Variants in CALN1 observed in about 807,000 individuals in gnomAD.
CALN1 encodes calneuron 1.
A neutral mutation model predicts 30.6 loss-of-function variants in CALN1; 17 were observed. The observed-to-expected ratio is 0.56, with a 90% CI of 0.38 to 0.83. CALN1 has a LOEUF of 0.83. Ranked by LOEUF, CALN1 falls within the 40% of genes least tolerant of loss-of-function variation. CALN1 has a pLI of 0.00. For synonymous variants in CALN1, 156 were observed against 131.4 expected, an observed-to-expected ratio of 1.19 and a Z score of -1.28; for missense variants, 291 against 354.9, an observed-to-expected ratio of 0.82 and a Z score of 1.45.
At chr7:71,897,971 AC>A (rs61134640) in intron 5 of CALN1, among the ~76,000 whole-genome samples, 3,048 of 105,862 alleles carry the variant, frequency 0.029, 274 homozygotes, top group African/African-American at 0.13. Flanking sequence ...AAAACAAAAA[AC>A]AAAAAAAAAA....
chr7:72,078,163 T>G (rs1011417586), intron 4 of CALN1, among the ~76,000 whole-genome samples: 1 of 152,152 alleles, frequency 6.6e-6, no homozygotes, highest in African/African-American at 2.4e-5. Context: ...TAGAAAAGCA[T>G]ATGTTTGGTA....
At chr7:72,084,423 C>T (rs550945604) in intron 4 of CALN1, among the ~76,000 whole-genome samples, 2 of 146,708 alleles carry the variant, frequency 1.4e-5, no homozygotes, top group East Asian at 4.1e-4. Flanking sequence ...GTGGGCTGAT[C>T]TTGGCTCACA....
intron 3 of CALN1, among the ~76,000 whole-genome samples, chr7:72,125,548 GAGTAA>G (rs1488188479): frequency 6.6e-6 from 1 of 152,156 alleles, no homozygotes; most frequent in Non-Finnish European, 1.5e-5. Context: ...AAAAATGGAA[GAGTAA>G]AGTAGACAGC....
At chr7:72,032,082 A>AC (rs918304553) in intron 4 of CALN1, among the ~76,000 whole-genome samples, 1 of 103,418 alleles carries the variant, frequency 9.7e-6, no homozygotes, top group African/African-American at 3.9e-5. Context: ...TTTTTGAGAC[A>AC]GAGTCTCACT....
intron 4 of CALN1, among the ~76,000 whole-genome samples, chr7:72,056,946 T>A (rs1386582847): frequency 2.0e-5 from 3 of 152,104 alleles, no homozygotes; most frequent in Non-Finnish European, 4.4e-5. Context: ...TTGTTGTTGT[T>A]TTGTTTGTTT....
At position 71,783,324 on chromosome 7, in the gene CALN1, CG is replaced by C. The variant is rs1792815879; in HGVS notation, c.*4450del. On this transcript the variant is annotated 3_prime_UTR_variant, in exon 7 of 7. Transcript: ENST00000395275. ...TCATCTCAGTTCATCTGTACCATCA[CG>C]GTGATATAGGAAAAGGGGCCCTTCC... 1.3e-5 allele frequency: 2 copies of C among 152,134 alleles called. No homozygotes were observed. Among genetic ancestry groups the C allele is most frequent in the African/African-American group, 4.8e-5 (2 of 41,428 alleles). The allele number at this position is 152,134 out of a possible 1,614,324, so 9.4% of individuals were successfully genotyped here.
chr7:72,018,317 G>T lies in CALN1; in HGVS notation c.501+5340C>A, dbSNP rs1261299540. On this transcript the variant is annotated intron_variant, in intron 5 of 6. Coordinates refer to ENST00000395275, the MANE Select transcript of CALN1 (RefSeq NM_031468.4). ...GCAATTAACCTGCAGCATTGAGCAGGAAGCCTACCCCCCAGTCCTGAGTCT... is the reference window on the plus strand; with the variant it reads ...GCAATTAACCTGCAGCATTGAGCAGTAAGCCTACCCCCCAGTCCTGAGTCT... 2.0e-5 allele frequency among the ~76,000 whole-genome samples: 3 copies of T among 152,138 alleles called. No individual in the cohort carries two copies. In the East Asian group the frequency reaches 5.8e-4, roughly 29 times the overall value.
chr7:72,473,675 G>C, the CALN1 span, among the ~76,000 whole-genome samples: 1 of 152,184 alleles, frequency 6.6e-6, no homozygotes, highest in African/African-American at 2.4e-5. Context: ...GCTCATGCCT[G>C]TAATCCCAGC....
intron 2 of CALN1, among the ~76,000 whole-genome samples, chr7:72,401,790 T>A (rs1806357865): frequency 6.6e-6 from 1 of 152,258 alleles, no homozygotes; most frequent in African/African-American, 2.4e-5. Flanking sequence ...TCCTCAGATC[T>A]AGAGGTAGGC....
intron 5 of CALN1, among the ~76,000 whole-genome samples, chr7:71,915,762 A>C (rs199961410): frequency 5.5e-5 from 8 of 146,604 alleles, no homozygotes; most frequent in East Asian, 2.0e-4. Context: ...CAAAAAAAAA[A>C]CCCAATCTGC....
chr7:72,042,627 T>G (rs1469374489), intron 4 of CALN1, among the ~76,000 whole-genome samples: 6 of 151,980 alleles, frequency 3.9e-5, no homozygotes, highest in African/African-American at 1.5e-4. Context: ...CCCCAGCACT[T>G]TGGGAGGCTG....
intron 5 of CALN1, among the ~76,000 whole-genome samples, chr7:71,873,429 A>G (rs6969870): frequency 0.25 from 37,460 of 152,036 alleles, 4,962 homozygotes; most frequent in African/African-American, 0.32. Flanking sequence ...ATTTCCCTTT[A>G]TAAATTGGAC....
intron 3 of CALN1, among the ~76,000 whole-genome samples, chr7:72,197,267 C>G (rs572367079): frequency 1.1e-3 from 143 of 133,550 alleles, no homozygotes; most frequent in African/African-American, 3.1e-3. Context: ...TCACTGCAAT[C>G]TCTGGCTCAC....
At chr7:71,836,092 G>A (rs1358069928) in intron 5 of CALN1, among the ~76,000 whole-genome samples, 1 of 152,144 alleles carries the variant, frequency 6.6e-6, no homozygotes, top group East Asian at 1.9e-4. Context: ...TCTGCTGCCT[G>A]GACCTAGAAT....
chr7:72,026,085 G>T (rs844782), intron 4 of CALN1, among the ~76,000 whole-genome samples: 4 of 152,114 alleles, frequency 2.6e-5, no homozygotes, highest in African/African-American at 4.8e-5. Flanking sequence ...GCTGGTAATC[G>T]TAAGAAAGCT....
At chr7:72,251,236 G>A (rs1006256505) in intron 3 of CALN1, among the ~76,000 whole-genome samples, 1 of 151,978 alleles carries the variant, frequency 6.6e-6, no homozygotes, top group Admixed American at 6.6e-5. Context: ...CAGCCTCCAA[G>A]GTCCAACACA....
intron 3 of CALN1, among the ~76,000 whole-genome samples, chr7:72,165,099 A>G (rs997655248): frequency 1.3e-5 from 2 of 152,230 alleles, no homozygotes; most frequent in Non-Finnish European, 1.5e-5. Flanking sequence ...TGTAAATTTT[A>G]AAGTGTAAAC....
At chr7:72,378,641 A>C (rs1018477020) in intron 2 of CALN1, among the ~76,000 whole-genome samples, 3 of 151,716 alleles carry the variant, frequency 2.0e-5, no homozygotes, top group Admixed American at 1.3e-4. Flanking sequence ...CATATACCTT[A>C]GAATCTCCAT....
intron 6 of CALN1, among the ~76,000 whole-genome samples, chr7:71,792,433 GTA>G (rs1189997646): frequency 6.6e-6 from 1 of 152,126 alleles, no homozygotes; most frequent in East Asian, 1.9e-4. Context: ...GCGATTTAAA[GTA>G]TATGTGGCTC....
Sources: gnomAD v4.1 joint callset for allele counts (sites outside exome capture counted in the v4.1 genomes callset) on GRCh38, gnomAD v4.1.1 for gene constraint, MANE v1.5 for transcripts, NCBI Gene and HGNC (gene_info 2026-07-23, HGNC 2026-07-21) for gene names.